The following PUDP variants were observed in gnomAD, a reference collection of about 807,000 sequenced individuals.
PUDP encodes pseudouridine 5'-phosphatase.
A neutral mutation model predicts 9.4 loss-of-function variants in PUDP; 8 were observed. The ratio of observed to expected loss-of-function variants is 0.85; its 90% CI spans 0.50 to 1.53. The LOEUF (loss-of-function observed/expected upper bound fraction) is 1.53, where lower values mean the gene tolerates loss of function less well. Among genes scored for constraint, PUDP ranks in the 40% most tolerant of loss-of-function variants. PUDP has a pLI of 0.00. For synonymous variants in PUDP, 99 were observed against 80.7 expected (o/e 1.23, Z -1.22); for missense variants, 188 against 189.7 (o/e 0.99, Z 0.05).
chrX:6,926,147 G>A (rs1484583925), intron 3 of PUDP, among the ~76,000 whole-genome samples: 1 of 111,519 alleles, frequency 9.0e-6, no homozygotes, highest in African/African-American at 3.3e-5. Context: ...AGTTGGTGGG[G>A]GACTTAGGAT....
chrX:6,936,781 G>A (rs1306731147), intron 3 of PUDP, among the ~76,000 whole-genome samples: 16 of 93,559 alleles, frequency 1.7e-4, no homozygotes, highest in Non-Finnish European at 3.2e-4. Context: ...AGCAACTTCA[G>A]CAAAGTCTCA....
chrX:6,850,607 A>T (rs1218382594), intron 3 of PUDP, among the ~76,000 whole-genome samples: 1 of 112,735 alleles, frequency 8.9e-6, no homozygotes, highest in Non-Finnish European at 1.9e-5. Flanking sequence ...TGGTGGTGTT[A>T]GAAATTTACC....
chrX:6,722,583 A>G (rs1199169007), upstream of PUDP, among the ~76,000 whole-genome samples: 1 of 112,310 alleles, frequency 8.9e-6, no homozygotes, highest in African/African-American at 3.2e-5. Context: ...ATATTGGAGT[A>G]CCAAACTGCA....
chrX:6,751,898 A>AC (rs1489747430), intron 3 of PUDP, among the ~76,000 whole-genome samples: 2 of 110,684 alleles, frequency 1.8e-5, no homozygotes, highest in Non-Finnish European at 3.8e-5. Flanking sequence ...AGGCAGCATC[A>AC]CCTGTGCTTC....
chrX:6,873,737 G>A (rs1156799354), intron 3 of PUDP, among the ~76,000 whole-genome samples: 1 of 111,864 alleles, frequency 8.9e-6, no homozygotes, highest in Non-Finnish European at 1.9e-5. Flanking sequence ...ATAAAAACTA[G>A]TTGTCAATCA....
chrX:6,712,137 T>C (rs1361181725), intron 1 of PUDP, among the ~76,000 whole-genome samples: 1 of 111,685 alleles, frequency 9.0e-6, no homozygotes, highest in African/African-American at 3.3e-5. Context: ...TTTATTTTAA[T>C]ATTTATCTAT....
intron 3 of PUDP, among the ~76,000 whole-genome samples, chrX:6,755,248 G>A (rs1373258797): frequency 9.0e-6 from 1 of 111,485 alleles, no homozygotes; most frequent in African/African-American, 3.3e-5. Flanking sequence ...TTATAACCAG[G>A]GGGCTCATAA....
chrX:6,960,167 T>C (rs1267594554), intron 3 of PUDP, among the ~76,000 whole-genome samples: 1 of 112,273 alleles, frequency 8.9e-6, no homozygotes, highest in Non-Finnish European at 1.9e-5. Context: ...ATTCTGCATG[T>C]AAGAAGAACA....
intron 3 of PUDP, among the ~76,000 whole-genome samples, chrX:6,750,560 G>A (rs1489231459): frequency 9.0e-6 from 1 of 111,536 alleles, no homozygotes. Context: ...CAGGTAGATG[G>A]GGTTTTCTGC....
chrX:6,817,004 T>TGTA (rs1306727865), intron 3 of PUDP, among the ~76,000 whole-genome samples: 1 of 97,970 alleles, frequency 1.0e-5, no homozygotes, highest in Non-Finnish European at 2.0e-5. Context: ...GTATATATAA[T>TGTA]ATATATACAC....
chrX:6,737,410 G>T, intron 3 of PUDP, among the ~76,000 whole-genome samples: 1 of 111,704 alleles, frequency 9.0e-6, no homozygotes, highest in Non-Finnish European at 1.9e-5. Context: ...ATAAAGTGGT[G>T]AGAGAAGACT....
intron 1 of PUDP, among the ~76,000 whole-genome samples, chrX:7,030,117 TATTTC>T: frequency 7.1e-5 from 1 of 14,116 alleles, no homozygotes; most frequent in Non-Finnish European, 1.5e-4. Context: ...AAACACTGGC[TATTTC>T]TATCTTTCCT....
chrX:6,889,374 T>C (rs1044684509), intron 3 of PUDP, among the ~76,000 whole-genome samples: 1 of 111,741 alleles, frequency 8.9e-6, no homozygotes, highest in Non-Finnish European at 1.9e-5. Context: ...CGCCATGTTG[T>C]CCAGGCTGGT....
At chrX:7,022,137 C>T (rs1929641964) in intron 1 of PUDP, among the ~76,000 whole-genome samples, 1 of 111,189 alleles carries the variant, frequency 9.0e-6, no homozygotes, top group South Asian at 3.8e-4. Flanking sequence ...CTGTCTTCTA[C>T]CTTAAGAATC....
intron 1 of PUDP, among the ~76,000 whole-genome samples, chrX:7,008,936 T>C (rs1929440181): frequency 8.9e-6 from 1 of 112,461 alleles, no homozygotes; most frequent in Non-Finnish European, 1.9e-5. Flanking sequence ...TACTTAACTA[T>C]TTACATTTTC....
intron 1 of PUDP, among the ~76,000 whole-genome samples, chrX:6,718,956 C>A (rs369702023): frequency 9.0e-6 from 1 of 110,696 alleles, no homozygotes. Context: ...GAGATGAATT[C>A]TGCCAACAAC....
At chrX:7,030,888 G>C (rs1444637428) in intron 1 of PUDP, among the ~76,000 whole-genome samples, 1 of 111,808 alleles carries the variant, frequency 8.9e-6, no homozygotes, top group Admixed American at 9.4e-5. Context: ...TATTAAGAAA[G>C]TAAAGGAATA....
chrX:7,106,705 C>T (rs113193232), intron 1 of PUDP, among the ~76,000 whole-genome samples: 2,700 of 111,658 alleles, frequency 0.024, 52 homozygotes, highest in Non-Finnish European at 0.037. Flanking sequence ...TTTCAGGGCA[C>T]ATAAGTAACA....
At chrX:6,832,097 C>G (rs773955928) in intron 3 of PUDP, among the ~76,000 whole-genome samples, 1 of 111,723 alleles carries the variant, frequency 9.0e-6, no homozygotes, top group Non-Finnish European at 1.9e-5. Flanking sequence ...TCTTTATCCC[C>G]TCTGCCCCTA....
Sources: gnomAD v4.1 joint callset for allele counts (sites outside exome capture counted in the v4.1 genomes callset) on GRCh38, gnomAD v4.1.1 for gene constraint, MANE v1.5 for transcripts, NCBI Gene and HGNC (gene_info 2026-07-23, HGNC 2026-07-21) for gene names.